Variants in SRCIN1 observed in about 807,000 individuals in gnomAD.
The protein encoded by SRCIN1 is P130Cas-associated protein.
Under a neutral mutation model 116.2 loss-of-function variants are expected in SRCIN1, and 50 were observed. The ratio of observed to expected loss-of-function variants is 0.43; its 90% CI spans 0.34 to 0.54. SRCIN1 has a LOEUF of 0.54. Ranked by LOEUF, SRCIN1 falls within the 20% of genes least tolerant of loss-of-function variation. The pLI is 0.02. For missense variants in SRCIN1, 1,446 were observed against 1,672.0 expected (o/e 0.86, Z 2.36); for synonymous variants, 736 against 750.0 (o/e 0.98, Z 0.30).
intron 15 of SRCIN1, 44 bp downstream of exon 15, chr17:38,551,111 C>T (rs1195267341): frequency 8.4e-6 from 7 of 837,024 alleles, no homozygotes; most frequent in Non-Finnish European, 1.3e-5. Context: ...GAGGAGGGCA[C>T]TCCCCCACGC....
At chr17:38,570,011 A>G (rs1430004400) in intron 2 of SRCIN1, among the ~76,000 whole-genome samples, 2 of 152,110 alleles carry the variant, frequency 1.3e-5, no homozygotes, top group Non-Finnish European at 2.9e-5. Context: ...ACCCACCACT[A>G]CCATGACACC....
chr17:38,534,962 TA>T (rs869254601), intron 18 of SRCIN1, among the ~76,000 whole-genome samples: 47 of 150,660 alleles, frequency 3.1e-4, no homozygotes, highest in African/African-American at 1.0e-3. Flanking sequence ...TCGTCTCTAC[TA>T]AAAAAAAAAT....
In SRCIN1 at chr17:38,563,951, G is replaced by A; in HGVS notation, c.541+167C>T. 1 of 742,332 alleles carries A rather than the reference G, an allele frequency of 1.3e-6. No individual in the cohort carries two copies. Among genetic ancestry groups the A allele is most frequent in the Non-Finnish European group, 2.2e-6 (1 of 459,302 alleles). 46.0% of individuals were successfully genotyped at this position (742,332 alleles called of 1,614,324 possible). ...GGGGTCGGGTGGGGATGCTGAGGGC[G>A]AGAGAGAGATGGAGAGAGCTGGGGT... On this transcript the variant is annotated intron_variant, in intron 4 of 18. Transcript: ENST00000617146. The surrounding 1 kb of genome is among the most constrained non-coding windows in gnomAD (Gnocchi z 5.8).
intron 2 of SRCIN1, among the ~76,000 whole-genome samples, chr17:38,575,579 C>T (rs1391226942): frequency 6.6e-6 from 1 of 152,182 alleles, no homozygotes; most frequent in Non-Finnish European, 1.5e-5. Context: ...TCCCTCTGCA[C>T]ACTGGCAAGG....
Position 38,563,448 on chromosome 17 carries a change from C to T in SRCIN1, c.615G>A (p.Thr205=). 2 of 1,560,472 alleles carry T rather than the reference C, an allele frequency of 1.3e-6. No individual in the cohort carries two copies. The highest frequency in any genetic ancestry group is 2.4e-5 in the South Asian group (2 of 84,648). The change falls in exon 5 of 19, where the codon ACG becomes ACA. Residue 205 remains threonine (T), a synonymous_variant. Transcript: ENST00000617146. The surrounding 1 kb of genome is among the most constrained non-coding windows in gnomAD (Gnocchi z 5.8). ...HITHEVSSLD[T]LHALIAHMFP... ...ACATGTGCGCGATGAGTGCGTGCAG[C>T]GTGTCCAGGCTGCTGACCTCGTGCG...
intron 14 of SRCIN1, 156 bp downstream of exon 14, chr17:38,551,730 A>T: frequency 8.3e-7 from 1 of 1,206,910 alleles, no homozygotes; most frequent in Non-Finnish European, 1.2e-6. Flanking sequence ...GGCTAATGTC[A>T]CCCTCATTAT....
chr17:38,599,587 C>A (rs1232196307), intron 1 of SRCIN1, among the ~76,000 whole-genome samples: 1 of 152,210 alleles, frequency 6.6e-6, no homozygotes, highest in African/African-American at 2.4e-5. Flanking sequence ...AGTGGCCACA[C>A]GCTGGGAGGT....
In SRCIN1 at chr17:38,585,271, A is replaced by G. The variant is rs1908051568; in HGVS notation, c.23-6480T>C. Among the ~76,000 whole-genome samples the G allele has an allele frequency of 6.6e-6, 1 of 152,152 alleles. No individual in the cohort carries two copies. The highest frequency in any genetic ancestry group is 2.4e-5 in the African/African-American group (1 of 41,436). On this transcript the variant is annotated intron_variant, in intron 1 of 18. Transcript: ENST00000617146. This position sits in a 1 kb window ranked among gnomAD's most constrained non-coding sequence, Gnocchi z 4.2. ...CCTGCCTTAGGCCACACCCACACAC[A>G]CACACAAACACACAGCATGAGGCTC...
intron 1 of SRCIN1, among the ~76,000 whole-genome samples, chr17:38,586,605 C>T (rs1447061106): frequency 6.6e-6 from 1 of 152,190 alleles, no homozygotes; most frequent in East Asian, 1.9e-4. Context: ...TCTTCCATCC[C>T]CCTGCCCAGG....
At chr17:38,534,720 C>T (rs113860590) in intron 18 of SRCIN1, among the ~76,000 whole-genome samples, 3,337 of 152,300 alleles carry the variant, frequency 0.022, 137 homozygotes, top group African/African-American at 0.074. Flanking sequence ...AAAGAACCAG[C>T]GCTGGCTGCA....
chr17:38,554,591 G>A (rs1002809623), intron 11 of SRCIN1, among the ~76,000 whole-genome samples: 3 of 152,232 alleles, frequency 2.0e-5, no homozygotes, highest in African/African-American at 4.8e-5. Flanking sequence ...GCTCCTGTTG[G>A]CTGGGTTGTG....
chr17:38,584,913 C>T (rs973799463), intron 1 of SRCIN1, among the ~76,000 whole-genome samples: 32 of 152,136 alleles, frequency 2.1e-4, no homozygotes, highest in Admixed American at 5.2e-4. Flanking sequence ...AACGAAGCCA[C>T]CAGCTCAGGA....
intron 2 of SRCIN1, among the ~76,000 whole-genome samples, chr17:38,577,825 C>T (rs1449411200): frequency 6.6e-6 from 1 of 152,160 alleles, no homozygotes; most frequent in East Asian, 1.9e-4. Flanking sequence ...TAGAAGGAGA[C>T]GGGTCCTGGT....
intron 1 of SRCIN1, among the ~76,000 whole-genome samples, chr17:38,587,219 G>A (rs1220791943): frequency 6.6e-6 from 1 of 152,084 alleles, no homozygotes; most frequent in African/African-American, 2.4e-5. Context: ...TCAGGAGTGG[G>A]GTGGGGTCCT....
Position 38,552,912 on chromosome 17 carries a change from C to G in SRCIN1, c.2202-57G>C. ...TTGGCCTGAGATGCCAGCCCAGCCC[C>G]CTGAAATTGGGCAACTGGAAAGAAA... On this transcript the variant is annotated intron_variant, in intron 11 of 18. Transcript: ENST00000617146. This position sits in a 1 kb window ranked among gnomAD's most constrained non-coding sequence, Gnocchi z 5.3. The G allele has an allele frequency of 1.9e-6, 3 of 1,562,380 alleles. No individual in the cohort carries two copies. The highest frequency in any genetic ancestry group is 2.6e-6 in the Non-Finnish European group (3 of 1,154,740).
chr17:38,590,174 C>A (rs1420012521), intron 1 of SRCIN1, among the ~76,000 whole-genome samples: 3 of 152,172 alleles, frequency 2.0e-5, no homozygotes, highest in Non-Finnish European at 4.4e-5. Flanking sequence ...TCTTGAGTGA[C>A]GAGGGTTAAA....
rs77469392 is a variant in SRCIN1 at position 38,535,589 on chromosome 17, C to T, written c.3418-2158G>A. Among the ~76,000 whole-genome samples the T allele has an allele frequency of 2.1e-3, 314 of 152,274 alleles. 1 individual carries two copies. Among genetic ancestry groups the T allele is most frequent in the African/African-American group, 7.0e-3 (289 of 41,560 alleles). Reference sequence around the variant, plus strand: ...GGGGTCCAGGGCCCAGCCACAGGGTCGTCAGATTCACGCAGTCCTCAGCAT... The same window carrying T: ...GGGGTCCAGGGCCCAGCCACAGGGTTGTCAGATTCACGCAGTCCTCAGCAT... On this transcript the variant is annotated intron_variant, in intron 18 of 18. Transcript: ENST00000617146.
intron 1 of SRCIN1, among the ~76,000 whole-genome samples, chr17:38,587,772 T>G (rs1768271467): frequency 1.3e-5 from 2 of 152,010 alleles, no homozygotes; most frequent in Admixed American, 1.3e-4. Context: ...CATGGCCCAG[T>G]GATGCCCCCA....
At chr17:38,565,886 C>A (rs1166114033) in intron 3 of SRCIN1, among the ~76,000 whole-genome samples, 1 of 152,106 alleles carries the variant, frequency 6.6e-6, no homozygotes, top group African/African-American at 2.4e-5. Context: ...GGGCCAGGGG[C>A]AGTAGGGAGG....
Sources: gnomAD v4.1 joint callset for allele counts (sites outside exome capture counted in the v4.1 genomes callset) on GRCh38, gnomAD v4.1.1 for gene constraint, Gnocchi (gnomAD v3.1) non-coding constraint, MANE v1.5 for transcripts, NCBI Gene and HGNC (gene_info 2026-07-23, HGNC 2026-07-21) for gene names.